Variants in TMEM65 observed in about 807,000 individuals in gnomAD.
TMEM65 encodes the protein transmembrane protein 65.
Under a neutral mutation model 25.4 loss-of-function variants are expected in TMEM65, and 22 were observed. The ratio of observed to expected loss-of-function variants is 0.86; its 90% CI spans 0.62 to 1.23. TMEM65 has a LOEUF of 1.23. TMEM65 is among the 50% of genes most tolerant of loss of function. The pLI is 0.00. For missense variants in TMEM65, 262 were observed against 308.2 expected (o/e 0.85, Z 1.12); for synonymous variants, 132 against 126.2 (o/e 1.05, Z -0.31).
chr8:124,337,540 A>G (rs1453889213), intron 1 of TMEM65, among the ~76,000 whole-genome samples: 3 of 152,086 alleles, frequency 2.0e-5, no homozygotes, highest in African/African-American at 7.2e-5. Flanking sequence ...GAAGAAATAC[A>G]TAGGATAGAA....
intron 3 of TMEM65, among the ~76,000 whole-genome samples, chr8:124,326,253 T>C (rs1312674950): frequency 1.3e-5 from 2 of 152,034 alleles, no homozygotes; most frequent in Non-Finnish European, 2.9e-5. Context: ...CCACTAAATG[T>C]ACTGAAGATC....
At chr8:124,370,403 T>C (rs1814996581) in intron 1 of TMEM65, among the ~76,000 whole-genome samples, 1 of 152,200 alleles carries the variant, frequency 6.6e-6, no homozygotes, top group Non-Finnish European at 1.5e-5. Flanking sequence ...TGACTGACTA[T>C]ATTATTTTTC....
At position 124,371,865 on chromosome 8, in the gene TMEM65, G is replaced by A. The variant is rs1365651549; in HGVS notation, c.293C>T (p.Ala98Val). The change falls in exon 1 of 7, where the codon GCC becomes GTC. Residue 98 changes from alanine (A) to valine (V), a missense_variant. Ala to Val is a moderately conservative substitution (Grantham distance 64, BLOSUM62 0). Coordinates refer to ENST00000297632, the MANE Select transcript of TMEM65 (RefSeq NM_194291.3). ...LKELHRFESI[A>V]IAQEKLEAPP... ...CCTGCCCCCCTTACCTTGGGCAATG[G>A]CAATAGACTCGAAGCGGTGCAGCTC... is the stretch of plus-strand genomic sequence containing the variant. The A allele has an allele frequency of 6.5e-7, 1 of 1,539,262 alleles. No homozygotes were observed. Among genetic ancestry groups the A allele is most frequent in the Non-Finnish European group, 8.7e-7 (1 of 1,148,632 alleles).
At position 124,308,166 on chromosome 8, in the gene TMEM65, T is replaced by C. The variant is rs910590377; in HGVS notation, c.*5794A>G. On this transcript the variant is annotated 3_prime_UTR_variant, in exon 7 of 7. Transcript: ENST00000297632. Reference sequence around the variant, plus strand: ...TTGAAGTCAGGAAGTACCTTGCCAGTAAAGGACTGCCTTTTAAAGTTGTTT... The same window carrying C: ...TTGAAGTCAGGAAGTACCTTGCCAGCAAAGGACTGCCTTTTAAAGTTGTTT... The C allele has an allele frequency of 4.6e-5, 7 of 152,240 alleles. No homozygotes were observed. The highest frequency in any genetic ancestry group is 1.0e-4 in the Non-Finnish European group (7 of 68,064). 9.4% of individuals were successfully genotyped at this position (152,240 alleles called of 1,614,324 possible). A position where few individuals can be genotyped will look rare whatever the true frequency, so the allele number is the denominator to read the frequency against.
chr8:124,336,105 G>A (rs1304963764), intron 1 of TMEM65, among the ~76,000 whole-genome samples: 1 of 152,088 alleles, frequency 6.6e-6, no homozygotes, highest in East Asian at 1.9e-4. Context: ...AAGACAAAGA[G>A]TATTACCAGA....
intron 4 of TMEM65, among the ~76,000 whole-genome samples, chr8:124,323,114 T>A (rs1011589671): frequency 6.6e-6 from 1 of 152,110 alleles, no homozygotes; most frequent in Non-Finnish European, 1.5e-5. Context: ...AGTATTGTTA[T>A]CCAATAACTA....
chr8:124,345,420 C>G (rs560177549), intron 1 of TMEM65, among the ~76,000 whole-genome samples: 78 of 152,246 alleles, frequency 5.1e-4, no homozygotes, highest in African/African-American at 1.8e-3. Context: ...TAAAGATTAT[C>G]TTTTAACACT....
chr8:124,342,089 GTTA>G (rs1563595075), intron 1 of TMEM65, among the ~76,000 whole-genome samples: 1 of 151,958 alleles, frequency 6.6e-6, no homozygotes, highest in Non-Finnish European at 1.5e-5. Context: ...CATCATTCTA[GTTA>G]TTATATTCAA....
intron 1 of TMEM65, among the ~76,000 whole-genome samples, chr8:124,346,807 A>G (rs902894227): frequency 3.9e-5 from 6 of 152,220 alleles, no homozygotes; most frequent in African/African-American, 1.4e-4. Context: ...AATAATAGAT[A>G]TTAAACTAGT....
chr8:124,334,635 G>T (rs918377727), intron 1 of TMEM65, among the ~76,000 whole-genome samples: 1 of 150,896 alleles, frequency 6.6e-6, no homozygotes, highest in African/African-American at 2.4e-5. Context: ...ATGGTAGGGG[G>T]TACCTATCAT....
intron 1 of TMEM65, among the ~76,000 whole-genome samples, chr8:124,334,742 C>T (rs1250455666): frequency 5.0e-5 from 6 of 120,234 alleles, no homozygotes; most frequent in East Asian, 2.5e-4. Flanking sequence ...CCAGCCTGGG[C>T]GACAGAACAA....
In TMEM65 at chr8:124,314,005, G is replaced by A. The variant is rs762092458; in HGVS notation, c.678C>T (p.Phe226=). 6.2e-7 allele frequency: 1 copy of A among 1,613,400 alleles called. No individual in the cohort carries two copies. Among genetic ancestry groups the A allele is most frequent in the South Asian group, 1.1e-5 (1 of 91,042 alleles). The change falls in exon 7 of 7, where the codon TTC becomes TTT. Residue 226 remains phenylalanine (F), a synonymous_variant. Transcript: ENST00000297632. ...TTTCATCTTCTTCACCTCCTCCAAA[G>A]AAAATTAAAGGAAACATTCCTAGAA... ...GCILGMFPLI[F]FGGGEEDEKL...
At position 124,308,677 on chromosome 8, in the gene TMEM65, G is replaced by A. The variant is rs552947776; in HGVS notation, c.*5283C>T. ...AAGCAATTCAAAAGCTTAGCTTTTG[G>A]AGATGAGTGCCTCTGAATCAGTGCC... is the stretch of plus-strand genomic sequence containing the variant. On this transcript the variant is annotated 3_prime_UTR_variant, in exon 7 of 7. Transcript: ENST00000297632. 1.3e-5 allele frequency: 2 copies of A among 152,122 alleles called. No individual in the cohort carries two copies. Among genetic ancestry groups the A allele is most frequent in the Non-Finnish European group, 2.9e-5 (2 of 68,018 alleles). 9.4% of individuals were successfully genotyped at this position (152,122 alleles called of 1,614,324 possible).
chr8:124,349,706 T>G (rs1814682063), intron 1 of TMEM65, among the ~76,000 whole-genome samples: 1 of 152,182 alleles, frequency 6.6e-6, no homozygotes, highest in Non-Finnish European at 1.5e-5. Context: ...TTTCAAGAGA[T>G]GTACCACCTA....
At position 124,330,742 on chromosome 8, in the gene TMEM65, C is replaced by G. The variant is rs564814680; in HGVS notation, c.349+6G>C. 6.3e-7 allele frequency: 1 copy of G among 1,589,596 alleles called. No homozygotes were observed. The highest frequency in any genetic ancestry group is 2.3e-5 in the East Asian group (1 of 42,710). On this transcript the variant is annotated splice_donor_region_variant and intron_variant, in intron 2 of 6. Coordinates refer to ENST00000297632, the MANE Select transcript of TMEM65 (RefSeq NM_194291.3). The stretch of plus-strand genomic sequence containing the variant: ...AACATATATTTAACAATTATAGAAC[C>G]ATTACCATATCTCAGCTGTCCTGGG...
In TMEM65 at chr8:124,311,735, C is replaced by G. The variant is rs1361451685; in HGVS notation, c.*2225G>C. The G allele has an allele frequency of 6.6e-6, 1 of 152,106 alleles. No individual in the cohort carries two copies. Among genetic ancestry groups the G allele is most frequent in the South Asian group, 2.1e-4 (1 of 4,832 alleles). The allele number at this position is 152,106 out of a possible 1,614,324, so 9.4% of individuals were successfully genotyped here. A position where few individuals can be genotyped will look rare whatever the true frequency, so the allele number is the denominator to read the frequency against. On this transcript the variant is annotated 3_prime_UTR_variant, in exon 7 of 7. Transcript: ENST00000297632. Reference sequence around the variant, plus strand: ...AATCACTTTGTGGCAAAGCACCATACTAGGGTAGACTATGATCTTAAACAT... The same window carrying G: ...AATCACTTTGTGGCAAAGCACCATAGTAGGGTAGACTATGATCTTAAACAT...
At chr8:124,352,501 A>ATAAAG (rs1814724351) in intron 1 of TMEM65, among the ~76,000 whole-genome samples, 2 of 145,778 alleles carry the variant, frequency 1.4e-5, no homozygotes, top group Non-Finnish European at 1.5e-5. Context: ...ATAAAATAAA[A>ATAAAG]TAAAATAAAA....
intron 1 of TMEM65, among the ~76,000 whole-genome samples, chr8:124,337,974 T>G (rs563305248): frequency 6.6e-6 from 1 of 151,900 alleles, no homozygotes; most frequent in East Asian, 1.9e-4. Flanking sequence ...AAATACTTAA[T>G]TTATTTGGTT....
chr8:124,350,842 A>G (rs1190725527), intron 1 of TMEM65, among the ~76,000 whole-genome samples: 3 of 151,782 alleles, frequency 2.0e-5, no homozygotes, highest in African/African-American at 4.8e-5. Context: ...TTAAATATAA[A>G]TATTTTGCCT....
Sources: allele counts gnomAD v4.1 joint callset (sites outside exome capture counted in the v4.1 genomes callset), GRCh38; gene constraint gnomAD v4.1.1; transcripts MANE v1.5; gene names NCBI Gene and HGNC (gene_info 2026-07-23, HGNC 2026-07-21).